Variants in CACNA2D2 observed in about 807,000 individuals in gnomAD.
The protein encoded by CACNA2D2 is voltage-dependent calcium channel subunit alpha-2/delta-2.
Under a neutral mutation model 166.4 loss-of-function variants are expected in CACNA2D2, and 48 were observed. The observed-to-expected ratio is 0.29, with a 90% confidence interval of 0.23 to 0.37. CACNA2D2 has a LOEUF of 0.37. Among genes scored for constraint, CACNA2D2 ranks in the 10% least tolerant of loss-of-function variants. CACNA2D2 has a pLI of 1.00. For synonymous variants in CACNA2D2, 561 were observed against 573.7 expected, an observed-to-expected ratio of 0.98 and a Z score of 0.32; for missense variants, 1,122 against 1,433.0, an observed-to-expected ratio of 0.78 and a Z score of 3.50.
At chr3:50,479,523 G>A (rs549116799) in intron 1 of CACNA2D2, among the ~76,000 whole-genome samples, 4 of 152,328 alleles carry the variant, frequency 2.6e-5, no homozygotes, top group East Asian at 1.9e-4. Flanking sequence ...CTAGGACTTC[G>A]CCAGTGTCCC....
At chr3:50,442,788 G>C (rs1427585776) in intron 2 of CACNA2D2, among the ~76,000 whole-genome samples, 1 of 152,170 alleles carries the variant, frequency 6.6e-6, no homozygotes, top group East Asian at 1.9e-4. Context: ...CTGGGGTAGA[G>C]GGAGGAGGGC....
chr3:50,371,457 C>T (rs958565594), intron 22 of CACNA2D2, among the ~76,000 whole-genome samples: 2 of 152,174 alleles, frequency 1.3e-5, no homozygotes, highest in Non-Finnish European at 2.9e-5. Flanking sequence ...CCCTGCCCAG[C>T]TGGACTGGCC....
intron 3 of CACNA2D2, among the ~76,000 whole-genome samples, chr3:50,424,665 C>T (rs1349745976): frequency 6.6e-6 from 1 of 152,206 alleles, no homozygotes; most frequent in Admixed American, 6.5e-5. Context: ...GTGCTGTCCC[C>T]GTACCTGGTA....
intron 2 of CACNA2D2, among the ~76,000 whole-genome samples, chr3:50,454,179 C>T (rs1213945600): frequency 6.6e-6 from 1 of 152,246 alleles, no homozygotes; most frequent in African/African-American, 2.4e-5. Context: ...CTCAGCCAGG[C>T]TCCGGAAGCC....
chr3:50,500,562 C>T (rs1228414793), intron 1 of CACNA2D2, among the ~76,000 whole-genome samples: 2 of 152,208 alleles, frequency 1.3e-5, no homozygotes, highest in African/African-American at 2.4e-5. Flanking sequence ...CCTCAGCCGG[C>T]GGTGGTGGCC....
chr3:50,367,753 G>A lies in CACNA2D2; in HGVS notation c.2235-49C>T. On this transcript the variant is annotated intron_variant, in intron 25 of 37. Transcript: ENST00000424201. This position sits in a 1 kb window ranked among gnomAD's most constrained non-coding sequence, Gnocchi z 6.5. ...TCACAGGCCTGCCTTCTGCTGGGCAGGTCCAGGGCCTCTGGGCCCATCCTA... is the reference window on the plus strand; with the variant it reads ...TCACAGGCCTGCCTTCTGCTGGGCAAGTCCAGGGCCTCTGGGCCCATCCTA... 1 of 1,612,320 alleles carries A rather than the reference G, an allele frequency of 6.2e-7. No homozygotes were observed. The highest frequency in any genetic ancestry group is 8.5e-7 in the Non-Finnish European group (1 of 1,178,812).
intron 4 of CACNA2D2, among the ~76,000 whole-genome samples, chr3:50,388,095 T>C (rs1705702582): frequency 6.6e-6 from 1 of 152,202 alleles, no homozygotes; most frequent in Non-Finnish European, 1.5e-5. Context: ...CGAGGGGGTT[T>C]CCACAACAGG....
chr3:50,401,105 C>A (rs1395503957), intron 3 of CACNA2D2, among the ~76,000 whole-genome samples: 2 of 152,184 alleles, frequency 1.3e-5, no homozygotes, highest in African/African-American at 2.4e-5. Flanking sequence ...CAGAAGCCTG[C>A]AAGGAAAATA....
At chr3:50,496,910 GA>G (rs1242589748) in intron 1 of CACNA2D2, among the ~76,000 whole-genome samples, 1 of 152,222 alleles carries the variant, frequency 6.6e-6, no homozygotes, top group African/African-American at 2.4e-5. Flanking sequence ...GCAGGGAAAA[GA>G]CAGGCAGAAG....
intron 1 of CACNA2D2, among the ~76,000 whole-genome samples, chr3:50,502,505 T>C (rs1418112383): frequency 1.3e-5 from 2 of 152,226 alleles, no homozygotes; most frequent in African/African-American, 2.4e-5. Context: ...CTGCGGAGGC[T>C]GGCAGAGCCA....
intron 2 of CACNA2D2, among the ~76,000 whole-genome samples, chr3:50,450,293 T>G (rs1416736590): frequency 1.3e-5 from 2 of 152,088 alleles, no homozygotes; most frequent in East Asian, 3.9e-4. Flanking sequence ...CCAGTTCCTG[T>G]GTGGGCTTCC....
At chr3:50,399,060 G>A (rs1209106490) in intron 3 of CACNA2D2, among the ~76,000 whole-genome samples, 1 of 152,226 alleles carries the variant, frequency 6.6e-6, no homozygotes, top group East Asian at 1.9e-4. Context: ...GCCAACACCT[G>A]GGATAGGAAG....
At chr3:50,372,083 T>C (rs1704682169) in intron 22 of CACNA2D2, among the ~76,000 whole-genome samples, 1 of 152,096 alleles carries the variant, frequency 6.6e-6, no homozygotes, top group South Asian at 2.1e-4. Flanking sequence ...GCCCAGGGAT[T>C]CCCTGGGAGA....
chr3:50,487,375 C>T (rs1450688023), intron 1 of CACNA2D2, among the ~76,000 whole-genome samples: 1 of 152,336 alleles, frequency 6.6e-6, no homozygotes, highest in Admixed American at 6.5e-5. Flanking sequence ...GCAGTAGGAA[C>T]GTTGGCCAGC....
At chr3:50,440,229 G>A (rs976351509) in intron 2 of CACNA2D2, among the ~76,000 whole-genome samples, 1 of 152,220 alleles carries the variant, frequency 6.6e-6, no homozygotes, top group Non-Finnish European at 1.5e-5. Context: ...CCCAGGAGGG[G>A]GCTAAGGCCT....
intron 1 of CACNA2D2, among the ~76,000 whole-genome samples, chr3:50,486,159 G>C (rs1698271745): frequency 6.6e-6 from 1 of 152,216 alleles, no homozygotes; most frequent in Admixed American, 6.5e-5. Flanking sequence ...TGCCCAGCCA[G>C]TGCTGAAATG....
Position 50,365,424 on chromosome 3 carries a change from C to G in CACNA2D2, c.3030G>C (p.Gln1010His). The G allele has an allele frequency of 1.2e-6, 2 of 1,613,706 alleles. No individual in the cohort carries two copies. Among genetic ancestry groups the G allele is most frequent in the Non-Finnish European group, 1.7e-6 (2 of 1,179,898 alleles). The stretch of plus-strand genomic sequence containing the variant: ...TTACCGAGCCGAAGTAGTACTGGGT[C>G]TGTTTCATGACGCAGCTGCTCTCGC... Reference protein sequence around the residue: ...ETRESSCVMKQTQYYFGSVNA... With the variant: ...ETRESSCVMKHTQYYFGSVNA... Residue 1010 changes from glutamine to histidine, a missense_variant, in exon 35 of 38, where the codon CAG becomes CAC. Around this residue, in one of 2 missense-constraint regions of CACNA2D2, gnomAD observed 282 missense variants for 266.2 expected, o/e 1.06. Coordinates refer to ENST00000424201, the MANE Select transcript of CACNA2D2 (RefSeq NM_006030.4). This position sits in a 1 kb window ranked among gnomAD's most constrained non-coding sequence, Gnocchi z 4.5.
intron 3 of CACNA2D2, among the ~76,000 whole-genome samples, chr3:50,411,685 A>C (rs1479366057): frequency 1.3e-5 from 2 of 152,230 alleles, no homozygotes; most frequent in African/African-American, 2.4e-5. Context: ...CCAAGTCCAC[A>C]AACCTGGCAG....
chr3:50,394,003 C>T, intron 4 of CACNA2D2, 106 bp downstream of exon 4: 1 of 961,326 alleles, frequency 1.0e-6, no homozygotes, highest in Non-Finnish European at 1.6e-6. Context: ...ACTCCACAGA[C>T]CCCTCTGTGT....
Sources: allele counts gnomAD v4.1 joint callset (sites outside exome capture counted in the v4.1 genomes callset), GRCh38; gene constraint gnomAD v4.1.1; regional missense constraint gnomAD v4.1.1; non-coding constraint Gnocchi (gnomAD v3.1); transcripts MANE v1.5; gene names NCBI Gene and HGNC (gene_info 2026-07-23, HGNC 2026-07-21).